WWTR1: variants seen among roughly 807,000 people sequenced by gnomAD.
WWTR1 encodes the protein WW domain-containing transcription regulator protein 1.
Under a neutral mutation model 40.1 loss-of-function variants are expected in WWTR1, and 13 were observed. The ratio of observed to expected loss-of-function variants is 0.32; its 90% CI spans 0.21 to 0.52. The LOEUF is 0.52. Among genes scored for constraint, WWTR1 ranks in the 20% least tolerant of loss-of-function variants. The probability of loss-of-function intolerance (pLI) is 0.97; values close to 1 mark genes in which losing one functional copy is unlikely to be tolerated. For synonymous variants in WWTR1, 230 were observed against 210.1 expected (o/e 1.09, Z -0.82); for missense variants, 436 against 523.1 (o/e 0.83, Z 1.63).
At chr3:149,716,935 G>T (rs1355133677) in intron 5 of WWTR1, among the ~76,000 whole-genome samples, 2 of 152,180 alleles carry the variant, frequency 1.3e-5, no homozygotes, top group East Asian at 3.8e-4. Flanking sequence ...CTTGCACTTT[G>T]GGAAGCTGAG....
At chr3:149,589,777 A>G (rs990913565) in intron 2 of WWTR1, among the ~76,000 whole-genome samples, 12 of 138,760 alleles carry the variant, frequency 8.6e-5, no homozygotes, top group Non-Finnish European at 1.7e-4. Context: ...TACTCATAGA[A>G]TAAGTGACTG....
chr3:149,651,541 A>G (rs568032729), intron 2 of WWTR1, among the ~76,000 whole-genome samples: 1 of 152,358 alleles, frequency 6.6e-6, no homozygotes, highest in East Asian at 1.9e-4. Flanking sequence ...AATAATGGCA[A>G]ATAATGCATG....
At chr3:149,668,921 T>C (rs1212167206) in intron 2 of WWTR1, among the ~76,000 whole-genome samples, 1 of 152,166 alleles carries the variant, frequency 6.6e-6, no homozygotes, top group African/African-American at 2.4e-5. Flanking sequence ...CATAATCTAG[T>C]GGTAAATTTC....
At chr3:149,590,493 T>C (rs947226917) in intron 2 of WWTR1, among the ~76,000 whole-genome samples, 1 of 151,912 alleles carries the variant, frequency 6.6e-6, no homozygotes, top group Non-Finnish European at 1.5e-5. Flanking sequence ...CTACTAAAAA[T>C]ACAAAAATTC....
At chr3:149,710,766 G>C (rs554870272) in intron 5 of WWTR1, among the ~76,000 whole-genome samples, 1 of 151,676 alleles carries the variant, frequency 6.6e-6, no homozygotes, top group Non-Finnish European at 1.5e-5. Context: ...TTTTAGTAGA[G>C]ACGGGGTTTC....
At chr3:149,673,775 C>G (rs1714167766) in intron 1 of WWTR1, among the ~76,000 whole-genome samples, 3 of 152,084 alleles carry the variant, frequency 2.0e-5, no homozygotes, top group African/African-American at 7.2e-5. Flanking sequence ...CCAGAGAGGC[C>G]AGGGATGGGA....
chr3:149,674,213 C>T (rs985495131), intron 1 of WWTR1, among the ~76,000 whole-genome samples: 6 of 125,514 alleles, frequency 4.8e-5, no homozygotes, highest in African/African-American at 1.6e-4. Context: ...GAGCAAGACA[C>T]TGTCTCTCTC....
intron 2 of WWTR1, among the ~76,000 whole-genome samples, chr3:149,615,495 A>G (rs2108074963): frequency 6.6e-6 from 1 of 152,360 alleles, no homozygotes; most frequent in African/African-American, 2.4e-5. Context: ...GGAAATTATC[A>G]TACTGTTCTC....
intron 6 of WWTR1, 112 bp from the exon 7 acceptor site, chr3:149,521,101 T>C (rs1004059463): frequency 2.4e-6 from 3 of 1,246,172 alleles, no homozygotes; most frequent in East Asian, 4.9e-5. Flanking sequence ...TACCACATTA[T>C]TGACCCTTAC....
chr3:149,696,214 C>T (rs2108218548), intron 1 of WWTR1, among the ~76,000 whole-genome samples: 1 of 151,490 alleles, frequency 6.6e-6, no homozygotes, highest in East Asian at 1.9e-4. Context: ...CAAACAAATG[C>T]AGGCCGAATT....
chr3:149,655,127 A>AAAAG (rs202179151), intron 2 of WWTR1, among the ~76,000 whole-genome samples: 8,660 of 147,330 alleles, frequency 0.059, 297 homozygotes, highest in South Asian at 0.095. Flanking sequence ...CTCCATCTAA[A>AAAAG]AAAGAAAGAA....
intron 2 of WWTR1, among the ~76,000 whole-genome samples, chr3:149,612,357 C>T (rs1430856279): frequency 6.6e-6 from 1 of 151,066 alleles, no homozygotes; most frequent in African/African-American, 2.4e-5. Context: ...TTAACTTAAT[C>T]CATTATAGGA....
chr3:149,575,793 T>A (rs568508851), intron 2 of WWTR1, among the ~76,000 whole-genome samples: 1 of 152,160 alleles, frequency 6.6e-6, no homozygotes, highest in African/African-American at 2.4e-5. Flanking sequence ...GCAGATGAGC[T>A]CATCTTGCCC....
At chr3:149,655,878 T>A (rs1364010240) in intron 2 of WWTR1, among the ~76,000 whole-genome samples, 2 of 152,210 alleles carry the variant, frequency 1.3e-5, no homozygotes, top group African/African-American at 4.8e-5. Flanking sequence ...GCTACTCTAC[T>A]AAAGAAATAT....
chr3:149,664,589 C>CTT (rs71916474), intron 2 of WWTR1, among the ~76,000 whole-genome samples: 11 of 139,838 alleles, frequency 7.9e-5, no homozygotes, highest in Admixed American at 1.4e-4. Flanking sequence ...AAGGCACTAT[C>CTT]TTTTTTTTTT....
chr3:149,522,681 T>A (rs570093180), intron 6 of WWTR1, among the ~76,000 whole-genome samples: 1 of 152,112 alleles, frequency 6.6e-6, no homozygotes, highest in Non-Finnish European at 1.5e-5. Flanking sequence ...TTTTACTAAT[T>A]TCCCATTTTA....
At chr3:149,548,378 C>A (rs937255467) in intron 3 of WWTR1, among the ~76,000 whole-genome samples, 6 of 152,196 alleles carry the variant, frequency 3.9e-5, no homozygotes, top group Admixed American at 2.6e-4. Context: ...CTGCCCAGAG[C>A]ACCTCCTGGA....
intron 4 of WWTR1, among the ~76,000 whole-genome samples, chr3:149,535,535 G>A (rs1735788039): frequency 2.0e-5 from 3 of 152,046 alleles, no homozygotes; most frequent in South Asian, 2.1e-4. Flanking sequence ...TCGAAACTGC[G>A]ATACTTTTAG....
At chr3:149,581,703 C>T (rs1342055334) in intron 2 of WWTR1, among the ~76,000 whole-genome samples, 3 of 152,200 alleles carry the variant, frequency 2.0e-5, no homozygotes, top group African/African-American at 4.8e-5. Flanking sequence ...AACTACCAGG[C>T]TCTAATCCTC....
Sources: gnomAD v4.1 joint callset for allele counts (sites outside exome capture counted in the v4.1 genomes callset) on GRCh38, gnomAD v4.1.1 for gene constraint, MANE v1.5 for transcripts, NCBI Gene and HGNC (gene_info 2026-07-23, HGNC 2026-07-21) for gene names.